Variants in ESRRG observed in about 807,000 individuals in gnomAD.
The protein encoded by ESRRG is estrogen related receptor gamma.
A neutral mutation model predicts 44.0 loss-of-function variants in ESRRG; 13 were observed. The ratio of observed to expected loss-of-function variants is 0.30; its 90% CI spans 0.19 to 0.47. The LOEUF is 0.47. Ranked by LOEUF, ESRRG falls within the 20% of genes least tolerant of loss-of-function variation. The probability of loss-of-function intolerance (pLI) is 1.00; values close to 1 mark genes in which losing one functional copy is unlikely to be tolerated. For missense variants in ESRRG, 395 were observed against 580.6 expected (o/e 0.68, Z 3.29); for synonymous variants, 215 against 214.6 (o/e 1.00, Z -0.02).
chr1:216,804,049 C>T (rs2094708172), intron 2 of ESRRG, among the ~76,000 whole-genome samples: 1 of 151,922 alleles, frequency 6.6e-6, no homozygotes, highest in Non-Finnish European at 1.5e-5. Flanking sequence ...AAAATATTCA[C>T]ACCACCAAAT....
chr1:217,012,777 G>T (rs2078815585), intron 1 of ESRRG, among the ~76,000 whole-genome samples: 1 of 152,098 alleles, frequency 6.6e-6, no homozygotes, highest in Non-Finnish European at 1.5e-5. Flanking sequence ...TGAGTTCTTT[G>T]AATATTACTG....
At chr1:217,075,983 G>A (rs1215533938) in intron 1 of ESRRG, among the ~76,000 whole-genome samples, 2 of 152,158 alleles carry the variant, frequency 1.3e-5, no homozygotes, top group Non-Finnish European at 2.9e-5. Flanking sequence ...CTATCATTCA[G>A]TATGACACCT....
intron 2 of ESRRG, among the ~76,000 whole-genome samples, chr1:216,900,407 G>A (rs752072317): frequency 2.0e-5 from 3 of 152,184 alleles, no homozygotes; most frequent in Non-Finnish European, 4.4e-5. Flanking sequence ...GCCCACTCAT[G>A]TTGGTGTTCA....
At chr1:217,067,465 T>C (rs762926120) in intron 1 of ESRRG, among the ~76,000 whole-genome samples, 4 of 152,236 alleles carry the variant, frequency 2.6e-5, no homozygotes, top group Non-Finnish European at 4.4e-5. Context: ...AAAAGTAATG[T>C]TGAAATATTA....
intron 1 of ESRRG, among the ~76,000 whole-genome samples, chr1:216,700,697 A>G (rs2081233348): frequency 6.6e-6 from 1 of 152,198 alleles, no homozygotes; most frequent in Non-Finnish European, 1.5e-5. Flanking sequence ...AATATCTTTA[A>G]TCTCAGTGTA....
chr1:216,788,889 G>A (rs2094218293), intron 2 of ESRRG, among the ~76,000 whole-genome samples: 1 of 152,140 alleles, frequency 6.6e-6, no homozygotes, highest in African/African-American at 2.4e-5. Flanking sequence ...TCAGTGGAGG[G>A]AGGAGCTGTA....
At chr1:216,779,198 TTTATAA>T (rs1470198176) in intron 2 of ESRRG, among the ~76,000 whole-genome samples, 1 of 72,084 alleles carries the variant, frequency 1.4e-5, no homozygotes, top group Non-Finnish European at 2.4e-5. Context: ...TATATTTATA[TTTATAA>T]ATATAAATAT....
At chr1:216,770,842 A>T (rs2093350973) in intron 2 of ESRRG, among the ~76,000 whole-genome samples, 1 of 152,040 alleles carries the variant, frequency 6.6e-6, no homozygotes, top group Non-Finnish European at 1.5e-5. Context: ...CTATCCGTTT[A>T]TCTTTCCATC....
In ESRRG at chr1:217,074,287, G is replaced by A. The variant is rs1362590836; in HGVS notation, c.-106+15220C>T. ...CAGTCTCAAACTCCTGACCTCAGAT[G>A]ATCCACCCACTTTGGCCTCCCAGAG... On this transcript the variant is annotated intron_variant, in intron 1 of 7. Coordinates refer to the ESRRG transcript ENST00000359162. Among the ~76,000 whole-genome samples, 3 of 151,864 alleles carry A rather than the reference G, an allele frequency of 2.0e-5. No homozygotes were observed. In the East Asian group the frequency reaches 5.9e-4, roughly 30 times the overall value.
At position 217,040,217 on chromosome 1, in the gene ESRRG, T is replaced by C. The variant is rs11572417; in HGVS notation, c.-106+49290A>G. Reference sequence around the variant, plus strand: ...GCTGGTGGTTGCAAAATGGGTTATTTAGACGGTAAGAAAATAGGTATTTGG... The same window carrying C: ...GCTGGTGGTTGCAAAATGGGTTATTCAGACGGTAAGAAAATAGGTATTTGG... On this transcript the variant is annotated intron_variant, in intron 1 of 7. Transcript: ENST00000359162. Among the ~76,000 whole-genome samples, 1,504 of 152,300 alleles carry C rather than the reference T, an allele frequency of 9.9e-3. 17 individuals are homozygous for C. Among genetic ancestry groups the C allele is most frequent in the Non-Finnish European group, 0.014 (959 of 68,026 alleles).
intron 2 of ESRRG, among the ~76,000 whole-genome samples, chr1:216,784,321 C>A (rs537104167): frequency 6.6e-6 from 1 of 152,078 alleles, no homozygotes; most frequent in Non-Finnish European, 1.5e-5. Flanking sequence ...GATAAGAATA[C>A]TTTTGCTTTG....
At chr1:217,133,945 G>C (rs998808041) in intron 1 of ESRRG, among the ~76,000 whole-genome samples, 1 of 152,112 alleles carries the variant, frequency 6.6e-6, no homozygotes, top group African/African-American at 2.4e-5. Flanking sequence ...CTATGAAGAT[G>C]TACTAAGTTT....
At chr1:217,124,082 A>G (rs1357861959) in intron 1 of ESRRG, among the ~76,000 whole-genome samples, 1 of 151,908 alleles carries the variant, frequency 6.6e-6, no homozygotes, top group African/African-American at 2.4e-5. Flanking sequence ...GTTTGATATA[A>G]CAATATGTGC....
At chr1:216,827,187 C>T (rs1245749414) in intron 2 of ESRRG, among the ~76,000 whole-genome samples, 1 of 151,994 alleles carries the variant, frequency 6.6e-6, no homozygotes, top group Non-Finnish European at 1.5e-5. Flanking sequence ...AAATATTTTA[C>T]AGTAGATATG....
chr1:217,011,451 T>C (rs2078599844), intron 1 of ESRRG, among the ~76,000 whole-genome samples: 2 of 152,234 alleles, frequency 1.3e-5, no homozygotes, highest in Admixed American at 1.3e-4. Context: ...GCACTGGCTC[T>C]GGAGGGAACA....
intron 3 of ESRRG, among the ~76,000 whole-genome samples, chr1:216,593,896 A>G (rs1031322567): frequency 6.6e-6 from 1 of 152,040 alleles, no homozygotes; most frequent in Non-Finnish European, 1.5e-5. Context: ...ATGCCCAGCT[A>G]AATTTTTTTT....
intron 3 of ESRRG, among the ~76,000 whole-genome samples, chr1:216,571,195 T>C (rs1241525827): frequency 1.3e-5 from 2 of 152,182 alleles, no homozygotes; most frequent in African/African-American, 2.4e-5. Flanking sequence ...TTATGTATTA[T>C]GGATTATTAG....
chr1:216,800,447 A>T (rs2094581311), intron 2 of ESRRG, among the ~76,000 whole-genome samples: 1 of 152,170 alleles, frequency 6.6e-6, no homozygotes, highest in African/African-American at 2.4e-5. Context: ...AACACATAAG[A>T]CCGCTTAAGA....
chr1:216,546,926 G>C (rs1480967400), intron 5 of ESRRG, among the ~76,000 whole-genome samples: 1 of 151,740 alleles, frequency 6.6e-6, no homozygotes, highest in Non-Finnish European at 1.5e-5. Flanking sequence ...AGCTACATTA[G>C]GTATTTCTCC....
Sources: allele counts gnomAD v4.1 joint callset (sites outside exome capture counted in the v4.1 genomes callset), GRCh38; gene constraint gnomAD v4.1.1; transcripts MANE v1.5; gene names NCBI Gene and HGNC (gene_info 2026-07-23, HGNC 2026-07-21).